Variants in ROBO2 observed in about 807,000 individuals in gnomAD.
ROBO2 encodes the protein roundabout homolog 2.
In ROBO2, 53 loss-of-function variants were observed where a neutral mutation model predicts 160.8. The ratio of observed to expected loss-of-function variants is 0.33; its 90% confidence interval spans 0.26 to 0.41. The LOEUF (loss-of-function observed/expected upper bound fraction) is 0.41. Ranked by LOEUF, ROBO2 falls within the 10% of genes least tolerant of loss-of-function variation. The pLI, the probability that ROBO2 is intolerant of heterozygous loss-of-function variation, is 1.00. For missense variants in ROBO2, 1,577 were observed against 1,722.4 expected (o/e 0.92, Z 1.49); for synonymous variants, 664 against 611.7 (o/e 1.09, Z -1.26).
At chr3:77,629,720 T>C (rs2095117051) in intron 23 of ROBO2, 1 of 152,194 alleles carries the variant, frequency 6.6e-6, no homozygotes. Flanking sequence ...CTAAGAGTTC[T>C]TATAAGAAAA....
At chr3:76,904,472 G>A (rs986949642) in intron 2 of ROBO2, among the ~76,000 whole-genome samples, 1 of 151,974 alleles carries the variant, frequency 6.6e-6, no homozygotes, top group Admixed American at 6.6e-5. Context: ...AATATACTAG[G>A]GCTTAATATC....
At chr3:76,642,236 G>C (rs1446263907) in intron 2 of ROBO2, among the ~76,000 whole-genome samples, 1 of 148,090 alleles carries the variant, frequency 6.8e-6, no homozygotes, top group East Asian at 2.1e-4. Context: ...AGAGCACCAA[G>C]TTAGAACATT....
chr3:77,570,298 A>T (rs1583013581), intron 13 of ROBO2, among the ~76,000 whole-genome samples: 1 of 152,026 alleles, frequency 6.6e-6, no homozygotes, highest in East Asian at 1.9e-4. Flanking sequence ...CATTAGATCA[A>T]AATTGCATGA....
chr3:76,295,567 C>A (rs1709027768), intron 2 of ROBO2, among the ~76,000 whole-genome samples: 1 of 152,128 alleles, frequency 6.6e-6, no homozygotes, highest in African/African-American at 2.4e-5. Flanking sequence ...TATGGCTCGA[C>A]CTATAACGAC....
At chr3:76,653,116 C>T (rs895054152) in intron 2 of ROBO2, among the ~76,000 whole-genome samples, 2 of 152,062 alleles carry the variant, frequency 1.3e-5, no homozygotes, top group East Asian at 3.9e-4. Context: ...TTACACCAAA[C>T]TTACTAACAC....
In ROBO2 at chr3:76,622,235, G is replaced by GAAAGAAAGAAAGAAAGAAAGAAAGAAGGA. The variant is rs1343648585; in HGVS notation, c.110-475777_110-475776insAGAAAGAAAGAAAGAAAGAAAGAAGGAAA. Among the ~76,000 whole-genome samples, 19 of 44,802 alleles carry GAAAGAAAGAAAGAAAGAAAGAAAGAAGGA rather than the reference G, an allele frequency of 4.2e-4. 2 individuals are homozygous for GAAAGAAAGAAAGAAAGAAAGAAAGAAGGA. Among genetic ancestry groups the GAAAGAAAGAAAGAAAGAAAGAAAGAAGGA allele is most frequent in the Middle Eastern group, 0.01 (1 of 100 alleles). The allele number at this position is 44,802 out of a possible 152,430, so 29.4% of individuals were successfully genotyped here. A position where few individuals can be genotyped will look rare whatever the true frequency, so the allele number is the denominator to read the frequency against. Reference sequence around the variant, plus strand: ...GGAAGGAAGGAAGGAAGGAAGGAAGGAAGAAAGAAAGAAAGAAAGAAAGAA... The same window carrying GAAAGAAAGAAAGAAAGAAAGAAAGAAGGA: ...GGAAGGAAGGAAGGAAGGAAGGAAGGAAAGAAAGAAAGAAAGAAAGAAAGAAGGAAAGAAAGAAAGAAAGAAAGAAAGAA... On this transcript the variant is annotated intron_variant, in intron 2 of 26. Transcript: ENST00000487694.
At chr3:76,349,290 A>G (rs2074729326) in intron 2 of ROBO2, among the ~76,000 whole-genome samples, 1 of 152,178 alleles carries the variant, frequency 6.6e-6, no homozygotes, top group African/African-American at 2.4e-5. Flanking sequence ...AGTTTGTTTT[A>G]TATACTCCTA....
chr3:77,477,521 T>C, exon 3 of ROBO2: 4 of 1,614,048 alleles, frequency 2.5e-6, no homozygotes, highest in Non-Finnish European at 3.4e-6. Flanking sequence ...ACCCACCATC[T>C]ACTGGAAAAA....
intron 2 of ROBO2, among the ~76,000 whole-genome samples, chr3:76,460,603 A>C (rs2078033297): frequency 6.6e-6 from 1 of 152,176 alleles, no homozygotes; most frequent in Non-Finnish European, 1.5e-5. Context: ...GAGGCTCTCC[A>C]CCAACAAGGA....
At chr3:76,381,683 G>T (rs1576807819) in intron 2 of ROBO2, among the ~76,000 whole-genome samples, 2 of 152,110 alleles carry the variant, frequency 1.3e-5, no homozygotes, top group Admixed American at 1.3e-4. Flanking sequence ...GACTATCATT[G>T]CATGCTTACA....
chr3:77,548,544 T>C (rs541352968), intron 7 of ROBO2, among the ~76,000 whole-genome samples: 1 of 152,150 alleles, frequency 6.6e-6, no homozygotes, highest in South Asian at 2.1e-4. Context: ...GCATAAAATG[T>C]GTATTGGCCT....
At chr3:76,343,378 A>C (rs575179917) in intron 2 of ROBO2, among the ~76,000 whole-genome samples, 1 of 152,160 alleles carries the variant, frequency 6.6e-6, no homozygotes, top group East Asian at 1.9e-4. Flanking sequence ...GTGGAATTCA[A>C]TATATGTCTA....
At chr3:76,348,197 C>G (rs760203536) in intron 2 of ROBO2, among the ~76,000 whole-genome samples, 1 of 152,050 alleles carries the variant, frequency 6.6e-6, no homozygotes, top group Non-Finnish European at 1.5e-5. Context: ...GCCATCATTC[C>G]ACAGTCTCCC....
intron 2 of ROBO2, among the ~76,000 whole-genome samples, chr3:77,012,946 T>C (rs2062008251): frequency 6.6e-6 from 1 of 152,218 alleles, no homozygotes; most frequent in Admixed American, 6.5e-5. Context: ...CATTTCACTG[T>C]ATGATTTCCG....
intron 2 of ROBO2, among the ~76,000 whole-genome samples, chr3:76,444,901 T>G (rs2109171517): frequency 6.6e-6 from 1 of 152,278 alleles, no homozygotes; most frequent in Non-Finnish European, 1.5e-5. Flanking sequence ...TTTCTAAAGG[T>G]TTTATGCCAT....
chr3:77,393,857 G>A (rs898787799), intron 2 of ROBO2, among the ~76,000 whole-genome samples: 1 of 151,790 alleles, frequency 6.6e-6, no homozygotes, highest in East Asian at 1.9e-4. Flanking sequence ...AAAAAAGATT[G>A]CAGAATATTA....
intron 2 of ROBO2, among the ~76,000 whole-genome samples, chr3:76,095,054 A>T (rs571226795): frequency 6.6e-6 from 1 of 152,322 alleles, no homozygotes; most frequent in South Asian, 2.1e-4. Flanking sequence ...ATTAAATTGT[A>T]GGAAAAAGCG....
intron 2 of ROBO2, among the ~76,000 whole-genome samples, chr3:76,017,529 T>A (rs1330195961): frequency 6.6e-6 from 1 of 152,158 alleles, no homozygotes; most frequent in Admixed American, 6.6e-5. Context: ...AAATAAACTT[T>A]GAAATGTAGG....
At chr3:76,268,764 A>G (rs952146725) in intron 2 of ROBO2, among the ~76,000 whole-genome samples, 1 of 152,186 alleles carries the variant, frequency 6.6e-6, no homozygotes, top group African/African-American at 2.4e-5. Context: ...TCAATTTAAT[A>G]GTTTTTTAAA....
Sources: allele counts gnomAD v4.1 joint callset (sites outside exome capture counted in the v4.1 genomes callset), GRCh38; gene constraint gnomAD v4.1.1; transcripts MANE v1.5; gene names NCBI Gene and HGNC (gene_info 2026-07-23, HGNC 2026-07-21).